Variants in NRXN3 observed in about 807,000 individuals in gnomAD.
The protein encoded by NRXN3 is neurexin III.
A neutral mutation model predicts 137.6 loss-of-function variants in NRXN3; 32 were observed. The ratio of observed to expected loss-of-function variants is 0.23; its 90% CI spans 0.18 to 0.31. The LOEUF is 0.31. Ranked by LOEUF, NRXN3 falls within the 10% of genes least tolerant of loss-of-function variation. NRXN3 has a pLI of 1.00. For synonymous variants in NRXN3, 798 were observed against 784.5 expected (o/e 1.02, Z -0.29); for missense variants, 1,574 against 2,062.5 (o/e 0.76, Z 4.59).
At chr14:79,784,821 T>C (rs2099124563) in intron 19 of NRXN3, among the ~76,000 whole-genome samples, 1 of 152,116 alleles carries the variant, frequency 6.6e-6, no homozygotes, top group African/African-American at 2.4e-5. Context: ...CATGCCTACA[T>C]GCACATGTGC....
intron 20 of NRXN3, among the ~76,000 whole-genome samples, chr14:79,818,947 T>C (rs1195514981): frequency 6.6e-6 from 1 of 152,200 alleles, no homozygotes; most frequent in Admixed American, 6.5e-5. Context: ...CATAAACTCA[T>C]AAACTGGAAA....
At chr14:78,757,167 G>C (rs2098672339) in intron 8 of NRXN3, among the ~76,000 whole-genome samples, 1 of 152,050 alleles carries the variant, frequency 6.6e-6, no homozygotes, top group African/African-American at 2.4e-5. Context: ...TGGCACTTTG[G>C]GAGGCCGAGG....
intron 16 of NRXN3, among the ~76,000 whole-genome samples, chr14:79,484,058 T>A (rs997326120): frequency 6.6e-6 from 1 of 152,164 alleles, no homozygotes; most frequent in Non-Finnish European, 1.5e-5. Flanking sequence ...GTTGTTCCCA[T>A]TGAGCCAGCT....
chr14:78,775,147 A>G (rs1233072639), intron 8 of NRXN3, among the ~76,000 whole-genome samples: 1 of 152,116 alleles, frequency 6.6e-6, no homozygotes, highest in Non-Finnish European at 1.5e-5. Context: ...TCCACCCCTA[A>G]TGGGTATAAT....
At chr14:79,719,015 T>G (rs1460061675) in intron 19 of NRXN3, among the ~76,000 whole-genome samples, 2 of 152,172 alleles carry the variant, frequency 1.3e-5, no homozygotes, top group Non-Finnish European at 2.9e-5. Context: ...TTTTACACAC[T>G]TGGATTTTAA....
chr14:79,358,641 G>GAAAGA (rs1196545890), intron 15 of NRXN3, among the ~76,000 whole-genome samples: 1 of 150,666 alleles, frequency 6.6e-6, no homozygotes, highest in African/African-American at 2.4e-5. Flanking sequence ...AAGAAAGAAA[G>GAAAGA]AAAGAAAGAA....
At chr14:79,523,373 T>TA (rs2097088141) in intron 16 of NRXN3, among the ~76,000 whole-genome samples, 1 of 152,208 alleles carries the variant, frequency 6.6e-6, no homozygotes, top group Admixed American at 6.5e-5. Flanking sequence ...TTTTGCCATG[T>TA]TTATATACAA....
In NRXN3 at chr14:79,412,880, G is replaced by A. The variant is rs78238870; in HGVS notation, c.3263-54341G>A. Among the ~76,000 whole-genome samples the A allele has an allele frequency of 4.3e-4, 65 of 149,488 alleles. No individual in the cohort carries two copies. The East Asian group carries it at 0.013, about 29-fold the overall frequency. ...AAGAAGGGGCTAATACCAATAAAAT[G>A]CATAGCAAGTTGACTATTCAAACCA... On this transcript the variant is annotated intron_variant, in intron 15 of 20. Coordinates refer to ENST00000335750, the MANE Select transcript of NRXN3 (RefSeq NM_001330195.2).
intron 6 of NRXN3, among the ~76,000 whole-genome samples, chr14:78,701,015 C>T (rs900230687): frequency 6.6e-6 from 1 of 152,136 alleles, no homozygotes; most frequent in African/African-American, 2.4e-5. Context: ...TGTTATCCAC[C>T]TGCCTCGGCC....
chr14:79,565,481 C>T (rs1212274472), intron 16 of NRXN3, among the ~76,000 whole-genome samples: 1 of 151,510 alleles, frequency 6.6e-6, no homozygotes, highest in African/African-American at 2.4e-5. Flanking sequence ...GAAGCCTTGC[C>T]ACGGGTAGAG....
chr14:79,524,191 G>A (rs1477442623), intron 16 of NRXN3, among the ~76,000 whole-genome samples: 1 of 152,164 alleles, frequency 6.6e-6, no homozygotes, highest in Non-Finnish European at 1.5e-5. Context: ...CCTTGGCAGT[G>A]GACTTGCTTT....
intron 2 of NRXN3, among the ~76,000 whole-genome samples, chr14:78,248,118 C>G (rs1228124873): frequency 6.6e-6 from 1 of 152,226 alleles, no homozygotes; most frequent in African/African-American, 2.4e-5. Context: ...TGTCTTCTGT[C>G]TTCTCCTGTG....
chr14:78,802,029 C>T (rs2098840765), intron 8 of NRXN3, among the ~76,000 whole-genome samples: 1 of 152,172 alleles, frequency 6.6e-6, no homozygotes, highest in African/African-American at 2.4e-5. Context: ...AAATATTTGA[C>T]AACAGCCAAT....
chr14:79,631,137 G>GGGAACAGCTA (rs1349906331), intron 16 of NRXN3, among the ~76,000 whole-genome samples: 1 of 152,230 alleles, frequency 6.6e-6, no homozygotes. Flanking sequence ...GGGTTGTAAA[G>GGGAACAGCTA]GGAACAGCTA....
intron 6 of NRXN3, among the ~76,000 whole-genome samples, chr14:78,702,831 C>T (rs957517539): frequency 2.6e-5 from 4 of 152,128 alleles, no homozygotes; most frequent in Admixed American, 1.3e-4. Context: ...TAATAGTGAT[C>T]GCCATCACTT....
chr14:78,429,373 C>A (rs1427054790), intron 4 of NRXN3, among the ~76,000 whole-genome samples: 1 of 152,090 alleles, frequency 6.6e-6, no homozygotes, highest in Non-Finnish European at 1.5e-5. Flanking sequence ...GCCACCACGC[C>A]CAGTCAGTAA....
chr14:78,533,905 A>G (rs2096502279), intron 4 of NRXN3, among the ~76,000 whole-genome samples: 1 of 152,142 alleles, frequency 6.6e-6, no homozygotes, highest in Admixed American at 6.5e-5. Context: ...TACTCAGTAC[A>G]TCATTTTTTT....
chr14:78,915,106 G>A (rs1317585882), intron 10 of NRXN3, among the ~76,000 whole-genome samples: 1 of 151,976 alleles, frequency 6.6e-6, no homozygotes, highest in African/African-American at 2.4e-5. Flanking sequence ...CTAAGGGCTA[G>A]TTGTGAAAGA....
intron 15 of NRXN3, chr14:79,072,050 A>C (rs1314233585): frequency 6.7e-6 from 1 of 149,356 alleles, no homozygotes; most frequent in Non-Finnish European, 1.5e-5. Context: ...AGATTTTAAC[A>C]GGGCCCTTGA....
Sources: allele counts gnomAD v4.1 joint callset (sites outside exome capture counted in the v4.1 genomes callset), GRCh38; gene constraint gnomAD v4.1.1; transcripts MANE v1.5; gene names NCBI Gene and HGNC (gene_info 2026-07-23, HGNC 2026-07-21).